Variants in CAPZA2 observed in about 807,000 individuals in gnomAD.
The protein encoded by CAPZA2 is F-actin-capping protein subunit alpha-2.
Under a neutral mutation model 44.0 loss-of-function variants are expected in CAPZA2, and 13 were observed. That is an observed-to-expected ratio of 0.30 (90% CI 0.19 to 0.47). The LOEUF (loss-of-function observed/expected upper bound fraction) is 0.47. Ranked by LOEUF, CAPZA2 falls within the 20% of genes least tolerant of loss-of-function variation. The pLI is 1.00. For missense variants in CAPZA2, 244 were observed against 338.6 expected (o/e 0.72, Z 2.19); for synonymous variants, 94 against 108.2 (o/e 0.87, Z 0.81).
At chr7:116,916,746 T>C (rs1791684797) in intron 9 of CAPZA2, among the ~76,000 whole-genome samples, 2 of 152,242 alleles carry the variant, frequency 1.3e-5, no homozygotes, top group South Asian at 4.1e-4. Flanking sequence ...TTTTGGAATA[T>C]TTGCATTATC....
chr7:116,869,429 T>G (rs1271075055), intron 1 of CAPZA2, among the ~76,000 whole-genome samples: 1 of 152,228 alleles, frequency 6.6e-6, no homozygotes, highest in Admixed American at 6.5e-5. Context: ...AAATGACTTT[T>G]GAAATCCATT....
In CAPZA2 at chr7:116,904,360, C is replaced by T; in HGVS notation, c.403C>T (p.His135Tyr). 6.2e-7 allele frequency: 1 copy of T among 1,612,220 alleles called. No homozygotes were observed. Among genetic ancestry groups the T allele is most frequent in the Non-Finnish European group, 8.5e-7 (1 of 1,178,308 alleles). ...ETALRAYVKE[H>Y]YPNGVCTVYG... The stretch of plus-strand genomic sequence containing the variant: ...TGCTCTGAGAGCTTACGTAAAAGAA[C>T]ATTACCCGAATGGAGTCTGCACTGT... The change falls in exon 5 of 10, where the codon CAT (histidine) becomes TAT (tyrosine). Residue 135 changes from histidine (H) to tyrosine (Y), a missense_variant. Transcript: ENST00000361183.
At chr7:116,884,801 T>C (rs999873645) in intron 1 of CAPZA2, among the ~76,000 whole-genome samples, 2 of 152,200 alleles carry the variant, frequency 1.3e-5, no homozygotes, top group African/African-American at 2.4e-5. Context: ...GGTGTGTGCT[T>C]GCTTAATTTT....
intron 1 of CAPZA2, among the ~76,000 whole-genome samples, chr7:116,882,352 C>CT (rs1796712802): frequency 6.6e-6 from 1 of 152,106 alleles, no homozygotes; most frequent in South Asian, 2.1e-4. Flanking sequence ...AAGGGCTTTT[C>CT]ATTTTCCTCC....
chr7:116,904,402 CTT>C lies in CAPZA2; in HGVS notation c.426+21_426+22del, dbSNP rs1410974503. The C allele has an allele frequency of 6.7e-7, 1 of 1,494,538 alleles. No individual in the cohort carries two copies. The highest frequency in any genetic ancestry group is 1.7e-5 in the Admixed American group (1 of 59,650). The allele number at this position is 1,494,538 out of a possible 1,614,324, so 92.6% of individuals were successfully genotyped here. ...CTGCACTGTAAGTCATCAGTAGCAG[CTT>C]TGTGTGTGTGTTTTGTGTAAATGTG... On this transcript the variant is annotated intron_variant, in intron 5 of 9. Transcript: ENST00000361183.
At chr7:116,893,074 C>T (rs1463468388) in intron 3 of CAPZA2, 29 bp downstream of exon 3, 1 of 1,421,746 alleles carries the variant, frequency 7.0e-7, no homozygotes, top group Non-Finnish European at 9.7e-7. Context: ...ACTAACCTAA[C>T]TAAAATGACA....
At position 116,917,871 on chromosome 7, in the gene CAPZA2, GAAC is replaced by G. The variant is rs765156950; in HGVS notation, c.*6_*8del. 9.3e-6 allele frequency: 15 copies of G among 1,611,360 alleles called. No individual in the cohort carries two copies. The highest frequency in any genetic ancestry group is 1.7e-4 in the Middle Eastern group (1 of 6,056). Reference sequence around the variant, plus strand: ...CAAAGAGATGCAGAATGCATAAGATGAACATTGCATGACCGGATCATTTTAGTG... The same window carrying G: ...CAAAGAGATGCAGAATGCATAAGATGATTGCATGACCGGATCATTTTAGTG... On this transcript the variant is annotated 3_prime_UTR_variant, in exon 10 of 10. Transcript: ENST00000361183.
At chr7:116,884,029 ACTC>A (rs934852360) in intron 1 of CAPZA2, among the ~76,000 whole-genome samples, 1 of 152,066 alleles carries the variant, frequency 6.6e-6, no homozygotes, top group African/African-American at 2.4e-5. Flanking sequence ...CTTCCTAACA[ACTC>A]CTTCTCTCAA....
chr7:116,913,849 T>C (rs1304224462), intron 8 of CAPZA2, among the ~76,000 whole-genome samples: 2 of 148,424 alleles, frequency 1.3e-5, no homozygotes, highest in Non-Finnish European at 3.0e-5. Context: ...CCTGGACTCA[T>C]GCAGTTTACC....
intron 3 of CAPZA2, 30 bp downstream of exon 3, chr7:116,893,075 T>A: frequency 7.1e-7 from 1 of 1,401,836 alleles, no homozygotes; most frequent in Non-Finnish European, 9.9e-7. Context: ...CTAACCTAAC[T>A]AAAATGACAT....
chr7:116,879,516 T>C (rs1365362855), intron 1 of CAPZA2, among the ~76,000 whole-genome samples: 6 of 152,142 alleles, frequency 3.9e-5, no homozygotes, highest in African/African-American at 1.4e-4. Flanking sequence ...ATGAAACTTT[T>C]CCACCTCAGA....
chr7:116,894,713 T>C (rs931699323), intron 3 of CAPZA2, among the ~76,000 whole-genome samples: 1 of 152,192 alleles, frequency 6.6e-6, no homozygotes, highest in East Asian at 1.9e-4. Context: ...CCTATGAATT[T>C]GACAACCTAG....
chr7:116,891,336 T>C (rs1224462412), intron 2 of CAPZA2, among the ~76,000 whole-genome samples: 3 of 152,230 alleles, frequency 2.0e-5, no homozygotes, highest in African/African-American at 7.2e-5. Context: ...GTTTAAACTA[T>C]TGATGATAAA....
intron 4 of CAPZA2, among the ~76,000 whole-genome samples, chr7:116,902,021 A>G (rs1797002454): frequency 6.6e-6 from 1 of 151,966 alleles, no homozygotes; most frequent in Admixed American, 6.6e-5. Context: ...ATGTTAAGTC[A>G]ATGTGGTGGT....
At chr7:116,869,892 C>A (rs753644061) in intron 1 of CAPZA2, among the ~76,000 whole-genome samples, 3 of 151,980 alleles carry the variant, frequency 2.0e-5, no homozygotes, top group Non-Finnish European at 4.4e-5. Flanking sequence ...TTTTTTGAGA[C>A]GGAGTGTTAC....
chr7:116,864,864 C>T (rs893902791), intron 1 of CAPZA2, among the ~76,000 whole-genome samples: 1 of 151,846 alleles, frequency 6.6e-6, no homozygotes, highest in Admixed American at 6.6e-5. Flanking sequence ...CATAGCGAGA[C>T]CTCATCTCTA....
At chr7:116,886,661 T>G (rs903847705) in intron 1 of CAPZA2, among the ~76,000 whole-genome samples, 2 of 152,214 alleles carry the variant, frequency 1.3e-5, no homozygotes, top group Non-Finnish European at 2.9e-5. Context: ...CACCTGGAGA[T>G]GTTGTTTAAA....
chr7:116,913,889 GT>G (rs1367274084), intron 8 of CAPZA2, among the ~76,000 whole-genome samples: 2 of 148,996 alleles, frequency 1.3e-5, no homozygotes, highest in Non-Finnish European at 3.0e-5. Context: ...TTGGCTTTTG[GT>G]TTTTTTGCCC....
intron 1 of CAPZA2, among the ~76,000 whole-genome samples, chr7:116,878,083 AC>A (rs1315382273): frequency 1.3e-5 from 2 of 152,252 alleles, no homozygotes; most frequent in Non-Finnish European, 2.9e-5. Context: ...AGAAGGCAAT[AC>A]ATTTGAATGA....
Sources: allele counts gnomAD v4.1 joint callset (sites outside exome capture counted in the v4.1 genomes callset), GRCh38; gene constraint gnomAD v4.1.1; transcripts MANE v1.5; gene names NCBI Gene and HGNC (gene_info 2026-07-23, HGNC 2026-07-21).